BBS12: variants seen among roughly 807,000 people sequenced by gnomAD.
BBS12 encodes the protein Bardet-Biedl syndrome 12, also known as chaperonin-containing T-complex member BBS12.
BBS12 carries 5 observed loss-of-function variants against 5.6 expected under a neutral mutation model. The observed-to-expected ratio is 0.89, with a 90% CI of 0.46 to 1.86. The LOEUF is 1.86. Among genes scored for constraint, BBS12 ranks in the 40% most tolerant of loss-of-function variants. The pLI is 0.01. For synonymous variants in BBS12, 308 were observed against 306.8 expected, an observed-to-expected ratio of 1.00 and a Z score of -0.04; for missense variants, 748 against 830.4, an observed-to-expected ratio of 0.90 and a Z score of 1.22.
the BBS12 span, among the ~76,000 whole-genome samples, chr4:122,722,979 C>T: frequency 4.6e-5 from 7 of 152,140 alleles, no homozygotes; most frequent in Non-Finnish European, 2.9e-5. Context: ...AATACCCTTA[C>T]GCTGTTCACA....
chr4:122,708,772 C>T, the BBS12 span, among the ~76,000 whole-genome samples: 23,310 of 151,826 alleles, frequency 0.15, 2,928 homozygotes, highest in East Asian at 0.64. Flanking sequence ...AACAAAACAT[C>T]ACATTGTGCC....
At chr4:122,737,786 A>G (rs758762973) in intron 1 of BBS12, among the ~76,000 whole-genome samples, 2 of 152,252 alleles carry the variant, frequency 1.3e-5, no homozygotes, top group Non-Finnish European at 2.9e-5. Flanking sequence ...CTACAAAGCT[A>G]TAGTACTTAA....
rs309371 is a variant in BBS12 at position 122,743,092 on chromosome 4, G to A, written c.1200G>A (p.Val400=). 50,143 of 1,614,144 alleles carry A rather than the reference G, an allele frequency of 0.031. 3,323 individuals are homozygous for A. The highest frequency in any genetic ancestry group is 0.28 in the African/African-American group (20,836 of 75,008). The change falls in exon 2 of 2, where the codon GTG becomes GTA. Residue 400 remains valine (V), a synonymous_variant. Transcript: ENST00000314218. ...CAGAAGAACTGTGGGCAAATCACGT[G>A]TTACAGGTGTTAATCCAGTTCAAGG... The part of the protein sequence containing the change: ...DSSEELWANH[V]LQVLIQFKVN...
the BBS12 span, among the ~76,000 whole-genome samples, chr4:122,721,118 G>A: frequency 6.6e-6 from 1 of 152,076 alleles, no homozygotes; most frequent in East Asian, 1.9e-4. Flanking sequence ...ATTCAAAAAA[G>A]GAGGCAAAAA....
At chr4:122,734,422 C>T (rs1800755761) in intron 1 of BBS12, among the ~76,000 whole-genome samples, 1 of 152,218 alleles carries the variant, frequency 6.6e-6, no homozygotes, top group South Asian at 2.1e-4. Flanking sequence ...CCCGCCACCG[C>T]GCCCGGCTAA....
chr4:122,714,719 G>T, the BBS12 span, among the ~76,000 whole-genome samples: 1 of 152,000 alleles, frequency 6.6e-6, no homozygotes, highest in Non-Finnish European at 1.5e-5. Context: ...CAGTTGAAAT[G>T]AATGAACTCT....
chr4:122,734,275 TTTTTTTTTGAGA>T (rs1199846763), intron 1 of BBS12, among the ~76,000 whole-genome samples: 1 of 152,124 alleles, frequency 6.6e-6, no homozygotes, highest in Non-Finnish European at 1.5e-5. Flanking sequence ...CATACACTTT[TTTTTTTTTGAGA>T]CCGAGTCCTG....
At chr4:122,733,440 T>C (rs943491584) in intron 1 of BBS12, among the ~76,000 whole-genome samples, 20 of 138,032 alleles carry the variant, frequency 1.4e-4, no homozygotes, top group African/African-American at 5.7e-4. Context: ...GCCATTTCCT[T>C]GGCCCAGTCC....
At chr4:122,718,591 A>T in the BBS12 span, among the ~76,000 whole-genome samples, 1 of 152,158 alleles carries the variant, frequency 6.6e-6, no homozygotes. Context: ...AAATTCATAA[A>T]ATAGGGGAAT....
chr4:122,710,703 GT>G, the BBS12 span, among the ~76,000 whole-genome samples: 8,656 of 146,726 alleles, frequency 0.059, 772 homozygotes, highest in African/African-American at 0.2. Context: ...GCATTTGTGC[GT>G]TTTTTTTTTT....
the BBS12 span, among the ~76,000 whole-genome samples, chr4:122,702,978 G>T: frequency 6.6e-5 from 10 of 152,184 alleles, no homozygotes; most frequent in Non-Finnish European, 1.3e-4. Flanking sequence ...TAAAAATTTT[G>T]TTCCACAATT....
At position 122,742,696 on chromosome 4, in the gene BBS12, G is replaced by T. The variant is rs1800901137; in HGVS notation, c.804G>T (p.Leu268Phe). ...ACAAAACTTACAGATGTAATGATTT[G>T]GTAGAGTTGGCAGTAGGCTTGAGTC... ...ATHKTYRCND[L>F]VELAVGLSHG... The change falls in exon 2 of 2, where the codon TTG becomes TTT. Residue 268 changes from leucine to phenylalanine, a missense_variant. By Grantham distance (22) the Leu-to-Phe change is conservative. Transcript: ENST00000314218. 2 of 1,614,216 alleles carry T rather than the reference G, an allele frequency of 1.2e-6. No homozygotes were observed. Among genetic ancestry groups the T allele is most frequent in the South Asian group, 2.2e-5 (2 of 91,084 alleles).
the BBS12 span, among the ~76,000 whole-genome samples, chr4:122,724,792 G>A: frequency 6.6e-6 from 1 of 152,148 alleles, no homozygotes; most frequent in African/African-American, 2.4e-5. Context: ...GCCATTCTTA[G>A]GATTTGAGGC....
chr4:122,700,595 CGTT>C, the BBS12 span, among the ~76,000 whole-genome samples: 2 of 152,202 alleles, frequency 1.3e-5, no homozygotes, highest in African/African-American at 2.4e-5. Context: ...TCACATAACT[CGTT>C]GTGTGTGTGG....
chr4:122,705,230 A>G, the BBS12 span, among the ~76,000 whole-genome samples: 2 of 152,218 alleles, frequency 1.3e-5, no homozygotes, highest in Non-Finnish European at 2.9e-5. Context: ...CTCAGCCTCA[A>G]TCAGTCAGCC....
At chr4:122,735,183 T>C (rs570177560) in intron 1 of BBS12, among the ~76,000 whole-genome samples, 8 of 152,290 alleles carry the variant, frequency 5.3e-5, no homozygotes, top group Non-Finnish European at 1.0e-4. Context: ...ATTAGAGAAG[T>C]CCTGATAGGA....
At chr4:122,711,198 C>A in the BBS12 span, among the ~76,000 whole-genome samples, 1 of 152,134 alleles carries the variant, frequency 6.6e-6, no homozygotes, top group African/African-American at 2.4e-5. Flanking sequence ...GGAGGAATCA[C>A]TTTAGCAGAA....
chr4:122,744,026 T>G lies in BBS12; in HGVS notation c.*1T>G. 6.2e-7 allele frequency: 1 copy of G among 1,610,702 alleles called. No individual in the cohort carries two copies. Among genetic ancestry groups the G allele is most frequent in the Non-Finnish European group, 8.5e-7 (1 of 1,176,858 alleles). ...ATTAACGGGCTTTCTATTTTTGTAG[T>G]GTTACTGGCTAAGTCTTTGGAAAAT... On this transcript the variant is annotated 3_prime_UTR_variant, in exon 2 of 2. Coordinates refer to ENST00000314218, the MANE Select transcript of BBS12 (RefSeq NM_152618.3).
At chr4:122,701,639 C>A in the BBS12 span, among the ~76,000 whole-genome samples, 1 of 152,142 alleles carries the variant, frequency 6.6e-6, no homozygotes, top group African/African-American at 2.4e-5. Context: ...TTTATTCTAT[C>A]ATTGAAATAA....
Sources: gnomAD v4.1 joint callset for allele counts (sites outside exome capture counted in the v4.1 genomes callset) on GRCh38, gnomAD v4.1.1 for gene constraint, MANE v1.5 for transcripts, NCBI Gene and HGNC (gene_info 2026-07-23, HGNC 2026-07-21) for gene names.